Variants in NOTCH2NLC observed in about 807,000 individuals in gnomAD.
NOTCH2NLC encodes notch homolog 2 N-terminal-like protein C.
A neutral mutation model predicts 17.7 loss-of-function variants in NOTCH2NLC; 4 were observed. The observed-to-expected ratio is 0.23, with a 90% CI of 0.11 to 0.52. The LOEUF (loss-of-function observed/expected upper bound fraction) is 0.52, where lower values mean the gene tolerates loss of function less well. NOTCH2NLC is among the 20% of genes least tolerant of loss of function. The probability of loss-of-function intolerance (pLI) is 0.96; values close to 1 mark genes in which losing one functional copy is unlikely to be tolerated. For missense variants in NOTCH2NLC, 57 were observed against 207.2 expected (o/e 0.28, Z 4.45); for synonymous variants, 18 against 86.0 (o/e 0.21, Z 4.38).
At chr1:149,435,840 G>A (rs1481472396) in intron 2 of NOTCH2NLC, among the ~76,000 whole-genome samples, 52 of 143,750 alleles carry the variant, frequency 3.6e-4, no homozygotes, top group Admixed American at 7.0e-4. Flanking sequence ...CAGGACTTCC[G>A]TTTTCTGCTT....
chr1:149,428,969 G>GA (rs1319235525), intron 1 of NOTCH2NLC, among the ~76,000 whole-genome samples: 1 of 147,052 alleles, frequency 6.8e-6, no homozygotes, highest in Non-Finnish European at 1.5e-5. Flanking sequence ...TAAAGAGAAT[G>GA]AAAAAATCAG....
rs1339234243 is a variant in NOTCH2NLC, at chr1:149,402,328, A to C, written c.135+11406A>C. On this transcript the variant is annotated intron_variant, in intron 1 of 4. Transcript: ENST00000650865. ...ACTCCTGACCTCAGGTGATCCACCC[A>C]CCTCAGCCTCCCAAAGTGCTGGGAT... Among the ~76,000 whole-genome samples, 3 of 150,708 alleles carry C rather than the reference A, an allele frequency of 2.0e-5. No homozygotes were observed. In the South Asian group the frequency reaches 6.3e-4, roughly 32 times the overall value.
At position 149,390,829 on chromosome 1, in the gene NOTCH2NLC, C is replaced by CGGCGGCGGCGGCGGA. The variant is rs1165196975; in HGVS notation, c.44_45insCGGCGGCGGCGGAGG (p.Gly14_Gly18dup). 4.2e-3 allele frequency: 5,333 copies of CGGCGGCGGCGGCGGA among 1,280,698 alleles called. 378 individuals carry two copies. The highest frequency in any genetic ancestry group is 7.1e-3 in the Admixed American group (192 of 27,184). The allele number at this position is 1,280,698 out of a possible 1,614,324, so 79.3% of individuals were successfully genotyped here. ...GCGGCGGCGGCGGCGGCGGCGGCGGCGGAGGAGGCGGCGACCGAGAAGATG... is the reference window on the plus strand; with the variant it reads ...GCGGCGGCGGCGGCGGCGGCGGCGGCGGCGGCGGCGGCGGAGGAGGAGGCGGCGACCGAGAAGATG... On this transcript the variant is annotated inframe_insertion, in exon 1 of 5. Transcript: ENST00000650865.
intron 2 of NOTCH2NLC, among the ~76,000 whole-genome samples, chr1:149,454,471 T>C (rs2084604819): frequency 7.3e-6 from 1 of 137,664 alleles, no homozygotes; most frequent in Admixed American, 7.4e-5. Context: ...GTACATCTTA[T>C]GAATCAAGGG....
chr1:149,390,805 C>CGGCGGCGGCGGCGGCGGCGGCGGCGGT lies in NOTCH2NLC; in HGVS notation c.44_45insTGGCGGCGGCGGCGGCGGCGGCGGCGG (p.Gly10_Gly18dup). The CGGCGGCGGCGGCGGCGGCGGCGGCGGT allele has an allele frequency of 8.7e-7, 1 of 1,151,258 alleles. No individual in the cohort carries two copies. Among genetic ancestry groups the CGGCGGCGGCGGCGGCGGCGGCGGCGGT allele is most frequent in the South Asian group, 2.2e-5 (1 of 44,798 alleles). 71.3% of individuals were successfully genotyped at this position (1,151,258 alleles called of 1,614,324 possible). A position where few individuals can be genotyped will look rare whatever the true frequency, so the allele number is the denominator to read the frequency against. Reference sequence around the variant, plus strand: ...CCCTCCCCATGTGGATCTGCCCAGGCGGCGGCGGCGGCGGCGGCGGCGGCG... The same window carrying CGGCGGCGGCGGCGGCGGCGGCGGCGGT: ...CCCTCCCCATGTGGATCTGCCCAGGCGGCGGCGGCGGCGGCGGCGGCGGCGGTGGCGGCGGCGGCGGCGGCGGCGGCG... On this transcript the variant is annotated inframe_insertion, in exon 1 of 5. Coordinates refer to ENST00000650865, the MANE Select transcript of NOTCH2NLC (RefSeq NM_001364013.2).
At position 149,460,905 on chromosome 1, in the gene NOTCH2NLC, TTCTTTCTTTCTC is replaced by T. The variant is rs1420360711; in HGVS notation, c.470-2582_470-2571del. Reference sequence around the variant, plus strand: ...TTTCTTTCTTTCTTTCTTTCTTTCTTTCTTTCTTTCTCTCTCTTTCTCTCTTTCTCTCTCTTT... The same window carrying T: ...TTTCTTTCTTTCTTTCTTTCTTTCTTTCTCTTTCTCTCTTTCTCTCTCTTT... On this transcript the variant is annotated intron_variant, in intron 3 of 4. Transcript: ENST00000650865. 4.3e-4 allele frequency among the ~76,000 whole-genome samples: 30 copies of T among 70,582 alleles called. 1 individual carries two copies. The highest frequency in any genetic ancestry group is 6.9e-4 in the Non-Finnish European group (22 of 31,656). 46.3% of individuals were successfully genotyped at this position (70,582 alleles called of 152,430 possible).
chr1:149,429,526 A>G (rs1469720656), intron 1 of NOTCH2NLC, among the ~76,000 whole-genome samples: 1 of 150,690 alleles, frequency 6.6e-6, no homozygotes, highest in Admixed American at 6.6e-5. Flanking sequence ...TAGCTAATTT[A>G]TGTAAAGTAC....
intron 3 of NOTCH2NLC, among the ~76,000 whole-genome samples, chr1:149,461,170 A>G (rs2084647963): frequency 6.7e-6 from 1 of 149,712 alleles, no homozygotes; most frequent in Admixed American, 6.6e-5. Flanking sequence ...CCTAACCACA[A>G]GTGATCTGCC....
intron 2 of NOTCH2NLC, among the ~76,000 whole-genome samples, chr1:149,446,496 C>T (rs1262598318): frequency 1.3e-5 from 2 of 148,562 alleles, no homozygotes; most frequent in Admixed American, 6.7e-5. Flanking sequence ...TCAGAAATGA[C>T]ACTTTTTTTT....
chr1:149,423,328 C>A (rs1215770487), intron 1 of NOTCH2NLC, among the ~76,000 whole-genome samples: 1 of 150,640 alleles, frequency 6.6e-6, no homozygotes, highest in Non-Finnish European at 1.5e-5. Context: ...TTTAAATGTA[C>A]CACTTGGGAT....
chr1:149,409,462 A>C (rs2084287329), intron 1 of NOTCH2NLC, among the ~76,000 whole-genome samples: 1 of 149,578 alleles, frequency 6.7e-6, no homozygotes, highest in South Asian at 2.1e-4. Flanking sequence ...ATCTAGTGAA[A>C]AGATTTAGGG....
At chr1:149,416,074 G>A (rs1488394163) in intron 1 of NOTCH2NLC, among the ~76,000 whole-genome samples, 4 of 140,388 alleles carry the variant, frequency 2.8e-5, no homozygotes, top group Admixed American at 7.2e-5. Context: ...TAGTGGTATG[G>A]ACATGGAATA....
intron 1 of NOTCH2NLC, among the ~76,000 whole-genome samples, chr1:149,416,982 G>A (rs1349568153): frequency 1.7e-4 from 25 of 145,300 alleles, no homozygotes; most frequent in South Asian, 2.2e-4. Context: ...CTGATCTTTC[G>A]TGTAAATGTT....
chr1:149,424,885 A>G (rs2084404399), intron 1 of NOTCH2NLC, among the ~76,000 whole-genome samples: 1 of 151,164 alleles, frequency 6.6e-6, no homozygotes, highest in African/African-American at 2.4e-5. Context: ...ACCAGCTCAC[A>G]TGGTAGCGAG....
chr1:149,430,771 G>A (rs1315286489), intron 1 of NOTCH2NLC, among the ~76,000 whole-genome samples, 171 bp from the exon 2 acceptor site: 8 of 148,644 alleles, frequency 5.4e-5, no homozygotes, highest in African/African-American at 1.7e-4. Context: ...TTTGGGATGG[G>A]CTTCTGTGCT....
chr1:149,423,306 G>A (rs1453673385), intron 1 of NOTCH2NLC, among the ~76,000 whole-genome samples: 3 of 149,818 alleles, frequency 2.0e-5, no homozygotes, highest in East Asian at 2.0e-4. Context: ...ATGTTTCTCC[G>A]CTTCGTTTTT....
chr1:149,415,098 G>T, intron 1 of NOTCH2NLC, among the ~76,000 whole-genome samples: 1 of 107,628 alleles, frequency 9.3e-6, no homozygotes, highest in Admixed American at 1.0e-4. Context: ...TCATAAGCTA[G>T]AGTTAGGGCT....
chr1:149,404,954 AC>A (rs2084259782), intron 1 of NOTCH2NLC, among the ~76,000 whole-genome samples: 1 of 135,430 alleles, frequency 7.4e-6, no homozygotes, highest in Admixed American at 7.5e-5. Context: ...TCTACCTGCC[AC>A]TCCCTTCTGC....
chr1:149,431,804 A>AG (rs2084451675), intron 2 of NOTCH2NLC, among the ~76,000 whole-genome samples: 1 of 33,716 alleles, frequency 3.0e-5, no homozygotes. Context: ...GTGTAGATTG[A>AG]GGGGGAGCAG....
Sources: allele counts gnomAD v4.1 joint callset (sites outside exome capture counted in the v4.1 genomes callset), GRCh38; gene constraint gnomAD v4.1.1; transcripts MANE v1.5; gene names NCBI Gene and HGNC (gene_info 2026-07-23, HGNC 2026-07-21).